The following DKK2 variants were observed in gnomAD, a reference collection of about 807,000 sequenced individuals.
DKK2 encodes dickkopf Wnt signaling pathway inhibitor 2.
A neutral mutation model predicts 28.1 loss-of-function variants in DKK2; 11 were observed. That is an observed-to-expected ratio of 0.39 (90% CI 0.25 to 0.65). DKK2 has a LOEUF of 0.65. Ranked by LOEUF, DKK2 falls within the 30% of genes least tolerant of loss-of-function variation. The pLI, the probability that DKK2 is intolerant of heterozygous loss-of-function variation, is 0.47. For missense variants in DKK2, 326 were observed against 335.5 expected (o/e 0.97, Z 0.22); for synonymous variants, 135 against 126.5 (o/e 1.07, Z -0.45).
At chr4:106,941,397 G>T (rs974367668) in intron 1 of DKK2, among the ~76,000 whole-genome samples, 2 of 152,088 alleles carry the variant, frequency 1.3e-5, no homozygotes, top group African/African-American at 4.8e-5. Flanking sequence ...GAAAGAAATG[G>T]AAGTTATCTC....
intron 1 of DKK2, among the ~76,000 whole-genome samples, chr4:106,968,628 C>T (rs927872087): frequency 2.6e-5 from 4 of 151,982 alleles, no homozygotes; most frequent in Non-Finnish European, 5.9e-5. Flanking sequence ...AGTAAAGTTT[C>T]TGTGACACAG....
chr4:107,001,564 C>A (rs1723359722), intron 1 of DKK2, among the ~76,000 whole-genome samples: 1 of 152,128 alleles, frequency 6.6e-6, no homozygotes, highest in Non-Finnish European at 1.5e-5. Context: ...TCTTTAAATA[C>A]ATTTAAAGTT....
At chr4:106,924,731 A>T in intron 2 of DKK2, 31 bp from the exon 3 acceptor site, 1 of 1,593,964 alleles carries the variant, frequency 6.3e-7, no homozygotes. Context: ...AGTTAGACTA[A>T]TTCAATTCTA....
rs570914986 is a variant in DKK2 at position 106,982,976 on chromosome 4, G to A, written c.222+52394C>T. 2.9e-5 allele frequency among the ~76,000 whole-genome samples: 4 copies of A among 138,696 alleles called. 1 individual carries two copies. The South Asian group carries it at 6.7e-4, about 23-fold the overall frequency. 91.0% of individuals were successfully genotyped at this position (138,696 alleles called of 152,430 possible). Reference sequence around the variant, plus strand: ...AGAAAAAGAAGAAGAAAGAAAGAAAGAGAAAGAAAGAAAGAGAAAAGAAAA... The same window carrying A: ...AGAAAAAGAAGAAGAAAGAAAGAAAAAGAAAGAAAGAAAGAGAAAAGAAAA... On this transcript the variant is annotated intron_variant, in intron 1 of 3. Coordinates refer to ENST00000285311, the MANE Select transcript of DKK2 (RefSeq NM_014421.3).
intron 1 of DKK2, among the ~76,000 whole-genome samples, chr4:107,015,200 C>T (rs1723577107): frequency 2.6e-5 from 4 of 151,536 alleles, no homozygotes; most frequent in Admixed American, 2.6e-4. Context: ...TAAAGTTTCA[C>T]ATAGGTACCT....
At chr4:106,965,591 T>C (rs1310088462) in intron 1 of DKK2, among the ~76,000 whole-genome samples, 1 of 152,070 alleles carries the variant, frequency 6.6e-6, no homozygotes, top group Non-Finnish European at 1.5e-5. Context: ...TTATAGTAAT[T>C]TAAGATTTTT....
intron 1 of DKK2, among the ~76,000 whole-genome samples, chr4:106,951,757 A>C (rs1435713158): frequency 6.6e-6 from 1 of 152,160 alleles, no homozygotes; most frequent in Non-Finnish European, 1.5e-5. Context: ...GTATGCAAAA[A>C]TGTTAATAGC....
At position 106,923,871 on chromosome 4, in the gene DKK2, T is replaced by A; in HGVS notation, c.*83A>T. ...TTCTTATTTTAGCCATTCTTCTGCA[T>A]CTGAACCTTATTTTCCACCATGCTA... On this transcript the variant is annotated 3_prime_UTR_variant, in exon 4 of 4. Coordinates refer to ENST00000285311, the MANE Select transcript of DKK2 (RefSeq NM_014421.3). The A allele has an allele frequency of 1.9e-6, 3 of 1,553,016 alleles. No individual in the cohort carries two copies. The highest frequency in any genetic ancestry group is 1.8e-6 in the Non-Finnish European group (2 of 1,142,078).
At chr4:106,936,814 A>G (rs1195684967) in intron 1 of DKK2, among the ~76,000 whole-genome samples, 3 of 151,886 alleles carry the variant, frequency 2.0e-5, no homozygotes, top group African/African-American at 7.3e-5. Flanking sequence ...CCAATATTCA[A>G]CATTCTTAAA....
chr4:107,010,432 A>G (rs1723500114), intron 1 of DKK2, among the ~76,000 whole-genome samples: 1 of 151,710 alleles, frequency 6.6e-6, no homozygotes, highest in Admixed American at 6.6e-5. Flanking sequence ...TTTAAGCCAA[A>G]TCCAATATTT....
intron 1 of DKK2, among the ~76,000 whole-genome samples, chr4:106,995,371 T>A (rs1004990350): frequency 6.6e-6 from 1 of 152,204 alleles, no homozygotes. Context: ...ATTTCTCATT[T>A]GTTGTCTTAG....
At chr4:106,975,696 A>G (rs1349827520) in intron 1 of DKK2, among the ~76,000 whole-genome samples, 1 of 151,938 alleles carries the variant, frequency 6.6e-6, no homozygotes, top group Non-Finnish European at 1.5e-5. Context: ...AGCAGCTCCT[A>G]GATTCATTAA....
chr4:107,008,195 A>C (rs1723464508), intron 1 of DKK2, among the ~76,000 whole-genome samples: 1 of 152,168 alleles, frequency 6.6e-6, no homozygotes, highest in African/African-American at 2.4e-5. Context: ...GACCTTAAAA[A>C]TGTATAATTC....
intron 1 of DKK2, among the ~76,000 whole-genome samples, chr4:106,968,304 C>A (rs2110353212): frequency 6.6e-6 from 1 of 152,214 alleles, no homozygotes; most frequent in African/African-American, 2.4e-5. Flanking sequence ...GCTCCTTGAA[C>A]TTTCTCCAAA....
intron 1 of DKK2, among the ~76,000 whole-genome samples, chr4:106,976,729 C>T (rs1722951482): frequency 6.6e-6 from 1 of 152,112 alleles, no homozygotes; most frequent in African/African-American, 2.4e-5. Context: ...GGGCATTTAG[C>T]CCATTTACAT....
intron 1 of DKK2, among the ~76,000 whole-genome samples, chr4:106,970,899 A>G (rs2110354128): frequency 6.6e-6 from 1 of 152,250 alleles, no homozygotes; most frequent in South Asian, 2.1e-4. Context: ...TTTGAGAAGG[A>G]CTAGAGAGGT....
intron 2 of DKK2, among the ~76,000 whole-genome samples, chr4:106,925,282 A>G (rs1378344646): frequency 1.3e-5 from 2 of 152,310 alleles, no homozygotes; most frequent in East Asian, 3.9e-4. Context: ...CTTGTCTGTG[A>G]TCCATTTCAT....
At chr4:106,981,685 C>T (rs1723028364) in intron 1 of DKK2, among the ~76,000 whole-genome samples, 1 of 152,114 alleles carries the variant, frequency 6.6e-6, no homozygotes, top group South Asian at 2.1e-4. Context: ...TATTTGAAAT[C>T]CTACCTATCT....
intron 1 of DKK2, among the ~76,000 whole-genome samples, chr4:107,025,778 C>T (rs769590974): frequency 8.5e-5 from 13 of 152,190 alleles, no homozygotes; most frequent in Admixed American, 2.0e-4. Flanking sequence ...CAGCTGTCAT[C>T]GTGACATTGT....
Sources: allele counts gnomAD v4.1 joint callset (sites outside exome capture counted in the v4.1 genomes callset), GRCh38; gene constraint gnomAD v4.1.1; transcripts MANE v1.5; gene names NCBI Gene and HGNC (gene_info 2026-07-23, HGNC 2026-07-21).